Variants in ASIC2 observed in about 807,000 individuals in gnomAD.
ASIC2 encodes acid sensing ion channel subunit 2.
A neutral mutation model predicts 57.3 loss-of-function variants in ASIC2; 25 were observed. The ratio of observed to expected loss-of-function variants is 0.44; its 90% CI spans 0.32 to 0.61. ASIC2 has a LOEUF of 0.61. Among genes scored for constraint, ASIC2 ranks in the 20% least tolerant of loss-of-function variants. The pLI is 0.06. For missense variants in ASIC2, 641 were observed against 738.1 expected (o/e 0.87, Z 1.52); for synonymous variants, 319 against 307.5 (o/e 1.04, Z -0.39).
chr17:33,468,922 A>G (rs1445956634), intron 1 of ASIC2, among the ~76,000 whole-genome samples: 2 of 152,186 alleles, frequency 1.3e-5, no homozygotes, highest in Non-Finnish European at 2.9e-5. Context: ...GACACTGCGG[A>G]CTGGACAATG....
At chr17:33,906,058 A>C (rs1915342031) in intron 1 of ASIC2, among the ~76,000 whole-genome samples, 1 of 136,744 alleles carries the variant, frequency 7.3e-6, no homozygotes, top group African/African-American at 2.7e-5. Flanking sequence ...TACATTGTCC[A>C]GGCTGGTTTT....
chr17:33,221,584 TA>T, intron 1 of ASIC2, among the ~76,000 whole-genome samples: 1 of 152,360 alleles, frequency 6.6e-6, no homozygotes. Flanking sequence ...TTAAGATGTT[TA>T]TTTTAAAGAG....
In ASIC2 at chr17:33,773,227, A is replaced by T. The variant is rs1037364107; in HGVS notation, c.555+382751T>A. Among the ~76,000 whole-genome samples the T allele has an allele frequency of 3.3e-5, 5 of 151,660 alleles. No homozygotes were observed. In the East Asian group the frequency reaches 5.8e-4, roughly 18 times the overall value. On this transcript the variant is annotated intron_variant, in intron 1 of 9. Coordinates refer to the ASIC2 transcript ENST00000359872. Reference sequence around the variant, plus strand: ...AAGAATTCAACTACTTTTTTTTTTTAAATCATACAATGAACTCCCTTTGTA... The same window carrying T: ...AAGAATTCAACTACTTTTTTTTTTTTAATCATACAATGAACTCCCTTTGTA...
chr17:33,417,095 G>T (rs1910869305), intron 1 of ASIC2, among the ~76,000 whole-genome samples: 1 of 152,164 alleles, frequency 6.6e-6, no homozygotes, highest in Admixed American at 6.5e-5. Context: ...CTTTACTGAG[G>T]CTCGTGTTCC....
chr17:33,293,321 G>T (rs1161269949), upstream of ASIC2, among the ~76,000 whole-genome samples: 2 of 152,220 alleles, frequency 1.3e-5, no homozygotes. Context: ...CGGCGGCCGT[G>T]AGCGCCGTGC....
chr17:33,323,033 C>A (rs576508461), intron 1 of ASIC2, among the ~76,000 whole-genome samples: 1 of 152,226 alleles, frequency 6.6e-6, no homozygotes, highest in African/African-American at 2.4e-5. Context: ...CACAAATAAC[C>A]AGAGAATAAT....
chr17:33,268,784 A>T (rs1360976654), intron 1 of ASIC2, among the ~76,000 whole-genome samples: 3 of 152,138 alleles, frequency 2.0e-5, no homozygotes, highest in African/African-American at 7.2e-5. Flanking sequence ...CATTTTGTGG[A>T]TGGGGAAACT....
At chr17:33,662,486 T>TTG (rs748003691) in intron 1 of ASIC2, among the ~76,000 whole-genome samples, 52 of 150,274 alleles carry the variant, frequency 3.5e-4, no homozygotes, top group African/African-American at 1.2e-3. Context: ...CCAGGTGTGG[T>TTG]GGGGGGGGCA....
At chr17:33,799,777 G>T (rs1316882823) in intron 1 of ASIC2, among the ~76,000 whole-genome samples, 2 of 151,954 alleles carry the variant, frequency 1.3e-5, no homozygotes, top group African/African-American at 4.8e-5. Flanking sequence ...TGTTGTATAG[G>T]TTGTGTAACG....
chr17:33,616,159 T>A (rs924339448), intron 1 of ASIC2, among the ~76,000 whole-genome samples: 1 of 151,554 alleles, frequency 6.6e-6, no homozygotes, highest in Non-Finnish European at 1.5e-5. Context: ...AAGTCTATAC[T>A]GTGTGGAACC....
chr17:33,507,863 C>A (rs1304267536), intron 1 of ASIC2, among the ~76,000 whole-genome samples: 1 of 152,222 alleles, frequency 6.6e-6, no homozygotes, highest in African/African-American at 2.4e-5. Flanking sequence ...CAAGATCGTG[C>A]CACTGCACTC....
intron 1 of ASIC2, among the ~76,000 whole-genome samples, chr17:33,596,933 C>T (rs1375636983): frequency 6.6e-6 from 1 of 152,338 alleles, no homozygotes; most frequent in East Asian, 1.9e-4. Context: ...AGTCAAACAG[C>T]TCATGGATGA....
intron 1 of ASIC2, among the ~76,000 whole-genome samples, chr17:33,673,808 C>A (rs778880004): frequency 6.6e-6 from 1 of 152,040 alleles, no homozygotes; most frequent in Non-Finnish European, 1.5e-5. Context: ...CAGAATCATT[C>A]GTGAAGCTTT....
Position 33,410,528 on chromosome 17 carries a change from C to T in ASIC2, c.556-298461G>A, listed in dbSNP as rs183584823. Among the ~76,000 whole-genome samples the T allele has an allele frequency of 1.7e-4, 26 of 152,330 alleles. No homozygotes were observed. In the East Asian group the frequency reaches 1.7e-3, roughly 10 times the overall value. On this transcript the variant is annotated intron_variant, in intron 1 of 9. Coordinates refer to the ASIC2 transcript ENST00000359872. ...GCTTCTGGAGGGACTCAAGCCCCCT[C>T]GGTAAGCTGCCCTCAGCCCCATGCC...
intron 1 of ASIC2, among the ~76,000 whole-genome samples, chr17:33,352,077 C>T (rs1033661521): frequency 1.3e-5 from 2 of 152,120 alleles, no homozygotes; most frequent in Non-Finnish European, 2.9e-5. Context: ...CTCTTTGCTT[C>T]CTACTCCCTG....
chr17:34,126,709 G>C (rs1278373465), intron 1 of ASIC2, among the ~76,000 whole-genome samples: 2 of 152,160 alleles, frequency 1.3e-5, no homozygotes, highest in Non-Finnish European at 2.9e-5. Context: ...GGCAAGGCAG[G>C]CACAGGCAGG....
intron 6 of ASIC2, 28 bp from the exon 7 acceptor site, chr17:33,021,338 A>G (rs2091834727): frequency 6.5e-7 from 1 of 1,530,400 alleles, no homozygotes; most frequent in Non-Finnish European, 9.0e-7. Context: ...AGTACCATAC[A>G]TGGTTAGAGC....
chr17:33,726,550 A>T (rs1331043413), intron 1 of ASIC2, among the ~76,000 whole-genome samples: 1 of 152,166 alleles, frequency 6.6e-6, no homozygotes, highest in Non-Finnish European at 1.5e-5. Context: ...TCAGGCTTTG[A>T]TAAGTTTCAT....
At chr17:33,362,278 G>A (rs1220672523) in intron 1 of ASIC2, among the ~76,000 whole-genome samples, 4 of 151,172 alleles carry the variant, frequency 2.6e-5, no homozygotes, top group African/African-American at 4.8e-5. Flanking sequence ...AAATTATAGG[G>A]TTCTTGAATG....
Sources: allele counts gnomAD v4.1 joint callset (sites outside exome capture counted in the v4.1 genomes callset), GRCh38; gene constraint gnomAD v4.1.1; transcripts MANE v1.5; gene names NCBI Gene and HGNC (gene_info 2026-07-23, HGNC 2026-07-21).